Variants in PDE4D observed in about 807,000 individuals in gnomAD.
The protein encoded by PDE4D is 3',5'-cyclic-AMP phosphodiesterase 4D.
A neutral mutation model predicts 87.4 loss-of-function variants in PDE4D; 24 were observed. The ratio of observed to expected loss-of-function variants is 0.27; its 90% CI spans 0.20 to 0.39. The LOEUF is 0.39. Among genes scored for constraint, PDE4D ranks in the 10% least tolerant of loss-of-function variants. The pLI, the probability that PDE4D is intolerant of heterozygous loss-of-function variation, is 1.00. For synonymous variants in PDE4D, 384 were observed against 383.2 expected (o/e 1.00, Z -0.02); for missense variants, 714 against 1,041.0 (o/e 0.69, Z 4.32).
rs7701336 is a variant in PDE4D at position 60,032,247 on chromosome 5, G to A, written c.43-43530C>T. ...AACATAATTAATGACTTCTTGGATAGAATATAAATCTCGTCCCCTTTAGAC... is the reference window on the plus strand; with the variant it reads ...AACATAATTAATGACTTCTTGGATAAAATATAAATCTCGTCCCCTTTAGAC... On this transcript the variant is annotated intron_variant, in intron 2 of 16. Transcript: ENST00000502484. 7.3e-3 allele frequency among the ~76,000 whole-genome samples: 1,106 copies of A among 152,282 alleles called. 13 individuals carry two copies. Among genetic ancestry groups the A allele is most frequent in the African/African-American group, 0.026 (1,061 of 41,568 alleles).
intron 1 of PDE4D, among the ~76,000 whole-genome samples, chr5:59,577,722 C>T (rs577876371): frequency 3.3e-5 from 5 of 152,132 alleles, no homozygotes; most frequent in Non-Finnish European, 5.9e-5. Flanking sequence ...ACAATAATAG[C>T]GGAAGCTCTG....
At chr5:59,961,371 G>T (rs1275538318) in intron 3 of PDE4D, among the ~76,000 whole-genome samples, 1 of 151,442 alleles carries the variant, frequency 6.6e-6, no homozygotes, top group Non-Finnish European at 1.5e-5. Context: ...ATGCCAAGGA[G>T]TGCCAAGGGT....
At chr5:59,474,540 A>G (rs1802989012) in intron 1 of PDE4D, among the ~76,000 whole-genome samples, 1 of 152,114 alleles carries the variant, frequency 6.6e-6, no homozygotes, top group Non-Finnish European at 1.5e-5. Flanking sequence ...TCTAGGTGAA[A>G]GTTCAGGCAA....
At chr5:59,223,172 T>C (rs928795618) in intron 1 of PDE4D, among the ~76,000 whole-genome samples, 3 of 152,118 alleles carry the variant, frequency 2.0e-5, no homozygotes, top group African/African-American at 4.8e-5. Flanking sequence ...ATAATTCCAG[T>C]GTGATAACAT....
intron 1 of PDE4D, among the ~76,000 whole-genome samples, chr5:59,243,629 T>A (rs1295083864): frequency 6.6e-6 from 1 of 151,686 alleles, no homozygotes; most frequent in African/African-American, 2.4e-5. Context: ...CCAGCTGATT[T>A]TTGTATTTTT....
chr5:59,714,240 T>C (rs1754659780), intron 1 of PDE4D, among the ~76,000 whole-genome samples: 2 of 152,190 alleles, frequency 1.3e-5, no homozygotes, highest in African/African-American at 4.8e-5. Flanking sequence ...TGAAGTACTC[T>C]TAACTTTGTG....
At chr5:60,115,973 C>T (rs4700363) in intron 2 of PDE4D, among the ~76,000 whole-genome samples, 152,197 of 152,244 alleles carry the variant, frequency 1, 76,075 homozygotes, top group Non-Finnish European at 1. Flanking sequence ...TTGCTCACAA[C>T]TTAGTATAGA....
chr5:60,077,738 T>C (rs1251121601), intron 2 of PDE4D, among the ~76,000 whole-genome samples: 2 of 152,220 alleles, frequency 1.3e-5, no homozygotes, highest in Non-Finnish European at 2.9e-5. Flanking sequence ...GGCTCTGCAC[T>C]GGCTGGACTT....
At chr5:59,695,259 C>A (rs1751589791) in intron 1 of PDE4D, among the ~76,000 whole-genome samples, 6 of 151,870 alleles carry the variant, frequency 4.0e-5, no homozygotes, top group Admixed American at 2.6e-4. Flanking sequence ...CTGCCAACTG[C>A]TACCCTACTG....
Position 58,999,611 on chromosome 5 carries a change from C to T in PDE4D, c.922-6146G>A, listed in dbSNP as rs542877710. The T allele has an allele frequency of 2.3e-5, 28 of 1,212,826 alleles. No individual in the cohort carries two copies. The South Asian group carries it at 7.5e-4, about 33-fold the overall frequency. The allele number at this position is 1,212,826 out of a possible 1,614,324, so 75.1% of individuals were successfully genotyped here. A position where few individuals can be genotyped will look rare whatever the true frequency, so the allele number is the denominator to read the frequency against. ...TCTAAAATGTATTTAGCTTCAAAAT[C>T]TCGACACTTTAACAACCTCCACAAG... On this transcript the variant is annotated intron_variant, in intron 6 of 14. Transcript: ENST00000340635.
intron 3 of PDE4D, among the ~76,000 whole-genome samples, chr5:59,961,383 G>A (rs1378432497): frequency 6.6e-6 from 1 of 151,702 alleles, no homozygotes. Context: ...GCCAAGGGTT[G>A]GAAGCAGCCA....
intron 1 of PDE4D, among the ~76,000 whole-genome samples, chr5:60,486,152 A>T (rs1206631358): frequency 6.6e-6 from 1 of 152,218 alleles, no homozygotes; most frequent in African/African-American, 2.4e-5. Flanking sequence ...AAGCAGCTTC[A>T]ACTCTACTAC....
chr5:59,292,695 G>A (rs142680992), intron 1 of PDE4D, among the ~76,000 whole-genome samples: 92 of 152,166 alleles, frequency 6.0e-4, no homozygotes, highest in African/African-American at 2.1e-3. Flanking sequence ...TTAATTAAAT[G>A]TTAGTCCTCA....
intron 3 of PDE4D, among the ~76,000 whole-genome samples, chr5:59,914,951 T>A (rs986557354): frequency 6.7e-6 from 1 of 150,372 alleles, no homozygotes; most frequent in South Asian, 2.1e-4. Flanking sequence ...AAATTGAAGA[T>A]GTTTGGTCTT....
At chr5:60,493,978 T>G (rs904600641) in intron 1 of PDE4D, among the ~76,000 whole-genome samples, 3 of 152,148 alleles carry the variant, frequency 2.0e-5, no homozygotes, top group African/African-American at 7.2e-5. Context: ...AAAAATGCTT[T>G]AAAATTGAAA....
chr5:59,382,715 T>G (rs244591), intron 1 of PDE4D, among the ~76,000 whole-genome samples: 36,884 of 151,906 alleles, frequency 0.24, 4,879 homozygotes, highest in East Asian at 0.39. Context: ...AAGACATTTT[T>G]GGGGGTGCTA....
chr5:59,594,702 A>G (rs1022787559), intron 1 of PDE4D, among the ~76,000 whole-genome samples: 9 of 152,128 alleles, frequency 5.9e-5, no homozygotes, highest in African/African-American at 2.2e-4. Flanking sequence ...ATTACAATGC[A>G]TAGTTAAAGG....
At chr5:59,891,785 GCT>G (rs1750991044) in intron 1 of PDE4D, among the ~76,000 whole-genome samples, 1 of 66,404 alleles carries the variant, frequency 1.5e-5, no homozygotes, top group South Asian at 3.7e-4. Context: ...AGAGAGACAT[GCT>G]CACACACACA....
intron 1 of PDE4D, among the ~76,000 whole-genome samples, chr5:60,251,242 G>A (rs1748406883): frequency 6.6e-6 from 1 of 151,868 alleles, no homozygotes; most frequent in African/African-American, 2.4e-5. Flanking sequence ...AGGGGTACAT[G>A]TGCAGGTTTG....
Sources: allele counts gnomAD v4.1 joint callset (sites outside exome capture counted in the v4.1 genomes callset), GRCh38; gene constraint gnomAD v4.1.1; transcripts MANE v1.5; gene names NCBI Gene and HGNC (gene_info 2026-07-23, HGNC 2026-07-21).